The following TG variants were observed in gnomAD, a reference collection of about 807,000 sequenced individuals.
TG encodes the protein thyroglobulin.
Under a neutral mutation model 324.7 loss-of-function variants are expected in TG, and 270 were observed. The observed-to-expected ratio is 0.83, with a 90% CI of 0.75 to 0.92. TG has a LOEUF of 0.92. Ranked by LOEUF, TG falls within the 40% of genes least tolerant of loss-of-function variation. The probability of loss-of-function intolerance (pLI) is 0.00; values close to 1 mark genes in which losing one functional copy is unlikely to be tolerated. For missense variants in TG, 3,591 were observed against 3,456.4 expected (o/e 1.04, Z -0.98); for synonymous variants, 1,401 against 1,327.0 (o/e 1.06, Z -1.21).
chr8:133,035,890 C>A (rs77272183), intron 41 of TG, among the ~76,000 whole-genome samples: 7,957 of 152,248 alleles, frequency 0.052, 250 homozygotes, highest in Middle Eastern at 0.096. Flanking sequence ...GGTCTTACCC[C>A]CTACTTGGAT....
At chr8:133,041,784 GTTTTT>G (rs529937626) in intron 41 of TG, among the ~76,000 whole-genome samples, 76 of 124,384 alleles carry the variant, frequency 6.1e-4, no homozygotes, top group East Asian at 5.5e-3. Flanking sequence ...CTTGTGGTCA[GTTTTT>G]TTTTTTTTTT....
rs537060140 is a variant in TG at position 133,002,391 on chromosome 8, A to G, written c.6263-9510A>G. On this transcript the variant is annotated intron_variant, in intron 35 of 47. Transcript: ENST00000220616. ...AATATTTCATAAATAATATCTGGCC[A>G]CTTTCTAAGCGATTAATTTGTTGCT... is the stretch of plus-strand genomic sequence containing the variant. The G allele has an allele frequency of 3.3e-5, 33 of 985,496 alleles. No homozygotes were observed. In the East Asian group the frequency reaches 3.1e-3, roughly 91 times the overall value. 61.0% of individuals were successfully genotyped at this position (985,496 alleles called of 1,614,324 possible).
At chr8:132,881,780 A>G (rs1161096609) in intron 5 of TG, 83 bp from the exon 6 acceptor site, 1 of 921,040 alleles carries the variant, frequency 1.1e-6, no homozygotes, top group African/African-American at 1.6e-5. Context: ...CTAGGCGTGG[A>G]CTTGGCCACA....
chr8:132,903,376 G>C (rs143605968), intron 16 of TG, among the ~76,000 whole-genome samples: 1 of 152,180 alleles, frequency 6.6e-6, no homozygotes, highest in Non-Finnish European at 1.5e-5. Flanking sequence ...AATTCTTGCC[G>C]GGCCTGGCAG....
intron 41 of TG, among the ~76,000 whole-genome samples, chr8:133,054,124 T>C (rs972569326): frequency 6.6e-6 from 1 of 152,118 alleles, no homozygotes; most frequent in Non-Finnish European, 1.5e-5. Context: ...ATGTAGGAAA[T>C]TTAAGTTTGT....
At chr8:133,131,768 C>G (rs1184604106) in intron 45 of TG, 44 bp from the exon 46 acceptor site, 9 of 1,611,574 alleles carry the variant, frequency 5.6e-6, no homozygotes, top group Non-Finnish European at 7.6e-6. Flanking sequence ...GAGTAGTTTA[C>G]TTTCTCTTGA....
intron 41 of TG, among the ~76,000 whole-genome samples, chr8:133,033,137 ACAC>A (rs1587814287): frequency 6.6e-6 from 1 of 152,178 alleles, no homozygotes; most frequent in African/African-American, 2.4e-5. Context: ...CTTGGAGAAA[ACAC>A]TTCACCTTGT....
rs1439911666 is a variant in TG at position 132,882,347 on chromosome 8, T to G, written c.746-122T>G. On this transcript the variant is annotated intron_variant, in intron 6 of 47. Coordinates refer to ENST00000220616, the MANE Select transcript of TG (RefSeq NM_003235.5). The stretch of plus-strand genomic sequence containing the variant: ...GACTTTGGAAACTGTTAAAGTGTTG[T>G]TCAGACTTATTGCCTAATGATGCTG... 6 of 1,188,518 alleles carry G rather than the reference T, an allele frequency of 5.0e-6. No homozygotes were observed. In the East Asian group the frequency reaches 9.3e-5, roughly 18 times the overall value. The allele number at this position is 1,188,518 out of a possible 1,614,324, so 73.6% of individuals were successfully genotyped here. A position where few individuals can be genotyped will look rare whatever the true frequency, so the allele number is the denominator to read the frequency against.
intron 20 of TG, among the ~76,000 whole-genome samples, chr8:132,918,636 G>A (rs1820714786): frequency 6.6e-6 from 1 of 152,160 alleles, no homozygotes; most frequent in African/African-American, 2.4e-5. Flanking sequence ...TGGATTGGTG[G>A]AAGGAACAAA....
chr8:133,047,786 C>T (rs200839104), intron 41 of TG: 42 of 1,093,064 alleles, frequency 3.8e-5, no homozygotes. Context: ...GCAAAACATG[C>T]TTGTCTGCCC....
intron 13 of TG, 62 bp from the exon 14 acceptor site, chr8:132,898,736 G>C (rs1817497626): frequency 3.4e-6 from 5 of 1,480,920 alleles, no homozygotes; most frequent in Non-Finnish European, 4.7e-6. Flanking sequence ...GGTCAGCCTG[G>C]GATCCCCTCT....
chr8:132,974,283 C>T (rs181894506), intron 34 of TG, among the ~76,000 whole-genome samples: 109 of 152,222 alleles, frequency 7.2e-4, no homozygotes, highest in African/African-American at 2.4e-3. Context: ...CGTGAGCCAC[C>T]GCACCCAGCC....
rs771153936 is a variant in TG at position 132,983,672 on chromosome 8, G to A, written c.6262+260G>A. The A allele has an allele frequency of 4.6e-4, 258 of 564,242 alleles. 3 individuals are homozygous for A. The highest frequency in any genetic ancestry group is 1.4e-4 in the Non-Finnish European group (43 of 315,334). 35.0% of individuals were successfully genotyped at this position (564,242 alleles called of 1,614,324 possible). ...ATTGAAGCAGAGTAAGACCTAAGTC[G>A]CGTTCTCCCAGTTTTCATTTTAAGG... On this transcript the variant is annotated intron_variant, in intron 35 of 47. Transcript: ENST00000220616.
At chr8:132,963,217 A>G in intron 29 of TG, 143 bp downstream of exon 29, 1 of 851,782 alleles carries the variant, frequency 1.2e-6, no homozygotes, top group Non-Finnish European at 2.0e-6. Flanking sequence ...TTTTAACCCA[A>G]TTATCCAGCT....
At chr8:133,131,466 A>G (rs890482769) in intron 45 of TG, among the ~76,000 whole-genome samples, 8 of 152,258 alleles carry the variant, frequency 5.3e-5, no homozygotes, top group Non-Finnish European at 1.2e-4. Flanking sequence ...AGTGACTAGA[A>G]GAACACCAAT....
rs141671484 is a variant in TG at position 133,041,196 on chromosome 8, G to C, written c.7239+11173G>C. Among the ~76,000 whole-genome samples, 601 of 152,346 alleles carry C rather than the reference G, an allele frequency of 3.9e-3. 6 individuals are homozygous for C. Among genetic ancestry groups the C allele is most frequent in the African/African-American group, 0.014 (570 of 41,582 alleles). On this transcript the variant is annotated intron_variant, in intron 41 of 47. Transcript: ENST00000220616. ...TGCCACTGGCCTCCGGCAGGGCTAA[G>C]CCACCCCTGGCCTCAGAGCCAATCC... is the stretch of plus-strand genomic sequence containing the variant.
chr8:133,029,866 C>T lies in TG; in HGVS notation c.7082C>T (p.Ala2361Val), dbSNP rs147955511. The change falls in exon 41 of 48, where the codon GCG becomes GTG. Residue 2361 changes from alanine to valine, a missense_variant. Coordinates refer to ENST00000220616, the MANE Select transcript of TG (RefSeq NM_003235.5). ...AACTGGGGGCTGCTGGACCAGGTGG[C>T]GGCTCTGACCTGGGTGCAGACCCAC... ...SGNWGLLDQV[A>V]ALTWVQTHIR... The T allele has an allele frequency of 9.3e-6, 15 of 1,614,074 alleles. No homozygotes were observed. The highest frequency in any genetic ancestry group is 4.5e-5 in the East Asian group (2 of 44,898).
chr8:133,081,938 G>A (rs937791735), intron 41 of TG, among the ~76,000 whole-genome samples: 2 of 152,186 alleles, frequency 1.3e-5, no homozygotes, highest in Non-Finnish European at 2.9e-5. Context: ...GCGCAGAGGA[G>A]GAAACAGGCA....
intron 44 of TG, among the ~76,000 whole-genome samples, chr8:133,116,381 C>G (rs1347609819): frequency 6.6e-6 from 1 of 152,210 alleles, no homozygotes; most frequent in Non-Finnish European, 1.5e-5. Flanking sequence ...TCGAGCCCAC[C>G]ACCTACCAGA....
Sources: gnomAD v4.1 joint callset for allele counts (sites outside exome capture counted in the v4.1 genomes callset) on GRCh38, gnomAD v4.1.1 for gene constraint, MANE v1.5 for transcripts, NCBI Gene and HGNC (gene_info 2026-07-23, HGNC 2026-07-21) for gene names.